Variants in WIF1 observed in about 807,000 individuals in gnomAD.
WIF1 encodes Wnt inhibitory factor 1.
A neutral mutation model predicts 53.5 loss-of-function variants in WIF1; 35 were observed. The ratio of observed to expected loss-of-function variants is 0.65; its 90% confidence interval spans 0.50 to 0.87. WIF1 has a LOEUF of 0.87. Ranked by LOEUF, WIF1 falls within the 40% of genes least tolerant of loss-of-function variation. The pLI is 0.00. For synonymous variants in WIF1, 171 were observed against 170.4 expected (o/e 1.00, Z -0.03); for missense variants, 467 against 476.8 (o/e 0.98, Z 0.19).
chr12:65,089,735 C>A (rs1883095372), intron 2 of WIF1, among the ~76,000 whole-genome samples: 1 of 152,176 alleles, frequency 6.6e-6, no homozygotes, highest in Non-Finnish European at 1.5e-5. Flanking sequence ...TGACTTACCT[C>A]TCCAAGCTTG....
At chr12:65,120,684 T>A in intron 1 of WIF1, 128 bp from the exon 2 acceptor site, 1 of 1,081,062 alleles carries the variant, frequency 9.3e-7, no homozygotes, top group Admixed American at 2.8e-5. Context: ...CTGCCTTCAG[T>A]ACCATCAACG....
intron 4 of WIF1, 53 bp from the exon 5 acceptor site, chr12:65,067,843 TGAATCACA>T: frequency 6.6e-7 from 1 of 1,513,328 alleles, no homozygotes. Context: ...TCATGTTGGG[TGAATCACA>T]GCCAGTGTGA....
chr12:65,075,830 G>A (rs1307804213), intron 3 of WIF1, among the ~76,000 whole-genome samples: 1 of 151,880 alleles, frequency 6.6e-6, no homozygotes, highest in Non-Finnish European at 1.5e-5. Flanking sequence ...ATGTTAAATT[G>A]AAAAAAATGC....
At chr12:65,116,626 C>T (rs1053189331) in intron 2 of WIF1, among the ~76,000 whole-genome samples, 3 of 151,920 alleles carry the variant, frequency 2.0e-5, no homozygotes, top group African/African-American at 7.3e-5. Context: ...AACCATCCCC[C>T]ATCCTGTTCA....
rs142294323 is a variant in WIF1, at chr12:65,113,814, T to A, written c.288+6603A>T. Among the ~76,000 whole-genome samples, 39 of 152,298 alleles carry A rather than the reference T, an allele frequency of 2.6e-4. 1 individual carries two copies. The highest frequency in any genetic ancestry group is 2.6e-3 in the Admixed American group (39 of 15,290). On this transcript the variant is annotated intron_variant, in intron 2 of 9. Coordinates refer to ENST00000286574, the MANE Select transcript of WIF1 (RefSeq NM_007191.5). ...TAAAGGTTGAAAGCTGTGCTTTTGA[T>A]ATGAGTACCTCCTGAAAAAAATCAT...
At position 65,056,366 on chromosome 12, in the gene WIF1, CTTTTTTTTTTTTTTTTTTTTTTTT is replaced by C. The variant is rs10584146; in HGVS notation, c.827-264_827-241del. Among the ~76,000 whole-genome samples, 22 of 24,262 alleles carry C rather than the reference CTTTTTTTTTTTTTTTTTTTTTTTT, an allele frequency of 9.1e-4. No individual in the cohort carries two copies. In the South Asian group the frequency reaches 0.034, roughly 38 times the overall value. 15.9% of individuals were successfully genotyped at this position (24,262 alleles called of 152,430 possible). ...GTTGCCAAAATGCTGCATTTATATCCTTTTTTTTTTTTTTTTTTTTTTTTTTTTTTTTTTTTTTAAGTAAAGACG... is the reference window on the plus strand; with the variant it reads ...GTTGCCAAAATGCTGCATTTATATCCTTTTTTTTTTTTTTAAGTAAAGACG... On this transcript the variant is annotated intron_variant, in intron 7 of 9. Coordinates refer to ENST00000286574, the MANE Select transcript of WIF1 (RefSeq NM_007191.5).
chr12:65,062,661 T>C lies in WIF1; in HGVS notation c.731-85A>G, dbSNP rs533176778. On this transcript the variant is annotated intron_variant, in intron 6 of 9. Coordinates refer to ENST00000286574, the MANE Select transcript of WIF1 (RefSeq NM_007191.5). The stretch of plus-strand genomic sequence containing the variant: ...TCACTTAAAGTGAGGTGCTATTTTT[T>C]AGGCATCTGCTTGCTACTTGCCCAT... The C allele has an allele frequency of 2.4e-4, 294 of 1,223,542 alleles. 2 individuals are homozygous for C. Among genetic ancestry groups the C allele is most frequent in the Admixed American group, 1.5e-3 (69 of 44,700 alleles). The allele number at this position is 1,223,542 out of a possible 1,614,324, so 75.8% of individuals were successfully genotyped here. A position where few individuals can be genotyped will look rare whatever the true frequency, so the allele number is the denominator to read the frequency against.
intron 2 of WIF1, among the ~76,000 whole-genome samples, chr12:65,089,319 T>C (rs977036107): frequency 2.0e-5 from 3 of 152,120 alleles, no homozygotes; most frequent in Non-Finnish European, 2.9e-5. Flanking sequence ...AAATTCTCAT[T>C]GATTTCTCAG....
chr12:65,055,330 T>G, intron 8 of WIF1, 117 bp from the exon 9 acceptor site: 1 of 1,163,382 alleles, frequency 8.6e-7, no homozygotes, highest in Non-Finnish European at 1.2e-6. Context: ...ATCCTCTAAT[T>G]TTTTTTCCTA....
intron 2 of WIF1, among the ~76,000 whole-genome samples, chr12:65,110,414 C>T (rs1156926450): frequency 6.6e-6 from 1 of 152,218 alleles, no homozygotes; most frequent in African/African-American, 2.4e-5. Context: ...GCTTCACGAA[C>T]ATCCTTTGAG....
At chr12:65,094,405 C>G (rs1054829841) in intron 2 of WIF1, among the ~76,000 whole-genome samples, 1 of 152,074 alleles carries the variant, frequency 6.6e-6, no homozygotes, top group Non-Finnish European at 1.5e-5. Context: ...GTGAAGATCC[C>G]AAATGCCTGG....
At chr12:65,063,725 T>C (rs1361757980) in intron 6 of WIF1, among the ~76,000 whole-genome samples, 1 of 151,914 alleles carries the variant, frequency 6.6e-6, no homozygotes, top group Non-Finnish European at 1.5e-5. Context: ...TGGTTTGTTT[T>C]TTAAAAGAGA....
rs572421835 is a variant in WIF1, at chr12:65,051,046, T to A, written c.*303A>T. On this transcript the variant is annotated 3_prime_UTR_variant, in exon 10 of 10. Transcript: ENST00000286574. ...GATGTTCCCCTGCCCCCAGACACCATAAATGCATTGTAATTTTGAAAATAT... is the reference window on the plus strand; with the variant it reads ...GATGTTCCCCTGCCCCCAGACACCAAAAATGCATTGTAATTTTGAAAATAT... The A allele has an allele frequency of 1.5e-4, 41 of 268,624 alleles. No individual in the cohort carries two copies. Among genetic ancestry groups the A allele is most frequent in the Middle Eastern group, 2.1e-3 (2 of 948 alleles). The allele number at this position is 268,624 out of a possible 1,614,324, so 16.6% of individuals were successfully genotyped here.
intron 2 of WIF1, chr12:65,083,941 C>A: frequency 3.6e-6 from 1 of 274,246 alleles, no homozygotes; most frequent in Non-Finnish European, 7.0e-6. Flanking sequence ...TGGGCTCAAG[C>A]CATCCTCCCA....
chr12:65,074,817 C>CAAAAAA (rs758690202), intron 3 of WIF1, among the ~76,000 whole-genome samples: 30 of 55,170 alleles, frequency 5.4e-4, no homozygotes, highest in South Asian at 1.8e-3. Context: ...CACTCTGTCT[C>CAAAAAA]AAAAAAAAAA....
rs1883185075 is a variant in WIF1 at position 65,095,136 on chromosome 12, T to C, written c.289-17282A>G. On this transcript the variant is annotated intron_variant, in intron 2 of 9. Transcript: ENST00000286574. ...TTTTTTTTTTGTAGAGGCAGGGTCTTACTATGTTGCCCAAGCTGGTCTTGA... is the reference window on the plus strand; with the variant it reads ...TTTTTTTTTTGTAGAGGCAGGGTCTCACTATGTTGCCCAAGCTGGTCTTGA... Among the ~76,000 whole-genome samples the C allele has an allele frequency of 3.3e-5, 5 of 151,066 alleles. No homozygotes were observed. In the South Asian group the frequency reaches 1.0e-3, roughly 32 times the overall value.
At chr12:65,117,033 T>C (rs1883523271) in intron 2 of WIF1, among the ~76,000 whole-genome samples, 1 of 151,888 alleles carries the variant, frequency 6.6e-6, no homozygotes, top group Non-Finnish European at 1.5e-5. Flanking sequence ...TTAATTTGTA[T>C]GAGACTCTTC....
rs547944041 is a variant in WIF1, at chr12:65,113,193, T to C, written c.288+7224A>G. On this transcript the variant is annotated intron_variant, in intron 2 of 9. Transcript: ENST00000286574. ...TCACATGTGACTTTATTGAGTTGGC[T>C]AAATTACTGCAGTAGAAGAAGCCCT... 4.6e-5 allele frequency among the ~76,000 whole-genome samples: 7 copies of C among 152,270 alleles called. 1 individual carries two copies. In the South Asian group the frequency reaches 1.4e-3, roughly 32 times the overall value.
chr12:65,090,727 G>T (rs541387306), intron 2 of WIF1, among the ~76,000 whole-genome samples: 1 of 152,318 alleles, frequency 6.6e-6, no homozygotes, highest in South Asian at 2.1e-4. Context: ...GGAAGCCAGT[G>T]TCTACTTTGC....
Sources: allele counts gnomAD v4.1 joint callset (sites outside exome capture counted in the v4.1 genomes callset), GRCh38; gene constraint gnomAD v4.1.1; transcripts MANE v1.5; gene names NCBI Gene and HGNC (gene_info 2026-07-23, HGNC 2026-07-21).